PPFIBP2: variants seen among roughly 807,000 people sequenced by gnomAD.
PPFIBP2 encodes PPFIB scaffold protein 2, also known as liprin-beta-2.
PPFIBP2 carries 118 observed loss-of-function variants against 118.3 expected under a neutral mutation model. That is an observed-to-expected ratio of 1.00 (90% CI 0.86 to 1.16). The LOEUF (loss-of-function observed/expected upper bound fraction) is 1.16, where lower values mean the gene tolerates loss of function less well. Among genes scored for constraint, PPFIBP2 ranks in the 50% most tolerant of loss-of-function variants. The pLI is 0.00. For missense variants in PPFIBP2, 1,195 were observed against 1,073.1 expected, an observed-to-expected ratio of 1.11 and a Z score of -1.59; for synonymous variants, 414 against 397.4, an observed-to-expected ratio of 1.04 and a Z score of -0.50.
downstream of PPFIBP2, among the ~76,000 whole-genome samples, chr11:7,653,987 C>G (rs1292396248): frequency 6.6e-6 from 1 of 152,126 alleles, no homozygotes; most frequent in African/African-American, 2.4e-5. Flanking sequence ...CTCTGTGAAG[C>G]CGAGGGGGCT....
chr11:7,654,366 C>T (rs1854489445), downstream of PPFIBP2, among the ~76,000 whole-genome samples: 1 of 152,226 alleles, frequency 6.6e-6, no homozygotes, highest in African/African-American at 2.4e-5. Flanking sequence ...AGTTTGCCCC[C>T]AGGCAGTGCT....
rs774849190 is a variant in PPFIBP2 at position 7,653,333 on chromosome 11, G to A, written c.*115G>A. The A allele has an allele frequency of 4.0e-6, 6 of 1,512,120 alleles. No individual in the cohort carries two copies. The highest frequency in any genetic ancestry group is 5.3e-6 in the Non-Finnish European group (6 of 1,134,296). The allele number at this position is 1,512,120 out of a possible 1,614,324, so 93.7% of individuals were successfully genotyped here. Reference sequence around the variant, plus strand: ...TGCATGACTCGCAGAGAATATTCCAGCAATTGTGTACCCCTGGGCCAGTCT... The same window carrying A: ...TGCATGACTCGCAGAGAATATTCCAACAATTGTGTACCCCTGGGCCAGTCT... On this transcript the variant is annotated 3_prime_UTR_variant, in exon 24 of 24. Coordinates refer to ENST00000299492, the MANE Select transcript of PPFIBP2 (RefSeq NM_003621.5).
chr11:7,660,886 G>C (rs546451471), downstream of PPFIBP2, among the ~76,000 whole-genome samples: 2 of 151,984 alleles, frequency 1.3e-5, no homozygotes, highest in African/African-American at 4.8e-5. Context: ...GAGAGTGTAT[G>C]TGTCGAGGAA....
chr11:7,651,681 A>G lies in PPFIBP2; in HGVS notation c.2273A>G (p.Asp758Gly). 1 of 1,611,620 alleles carries G rather than the reference A, an allele frequency of 6.2e-7. No homozygotes were observed. Among genetic ancestry groups the G allele is most frequent in the Non-Finnish European group, 8.5e-7 (1 of 1,178,174 alleles). Residue 758 changes from aspartate (D) to glycine (G), a missense_variant, in exon 23 of 24, where the codon GAC becomes GGC. By Grantham distance (94) the Asp-to-Gly change is moderately conservative. Coordinates refer to ENST00000299492, the MANE Select transcript of PPFIBP2 (RefSeq NM_003621.5). Reference sequence around the variant, plus strand: ...ATCCTGGAGCCACGCTTCACTGGGGACACCCTGGCTATGCTTCTCAACATC... The same window carrying G: ...ATCCTGGAGCCACGCTTCACTGGGGGCACCCTGGCTATGCTTCTCAACATC... ...LIILEPRFTG[D>G]TLAMLLNIPP...
chr11:7,594,248 A>T (rs1452563251), intron 4 of PPFIBP2, among the ~76,000 whole-genome samples: 1 of 151,528 alleles, frequency 6.6e-6, no homozygotes, highest in Non-Finnish European at 1.5e-5. Flanking sequence ...AAGCAGGTTA[A>T]CACTTCGGCC....
intron 3 of PPFIBP2, chr11:7,577,340 T>TGC (rs879810120): frequency 0.12 from 39,535 of 333,640 alleles, 2,992 homozygotes; most frequent in Non-Finnish European, 0.14. Context: ...TGTGTGTGTG[T>TGC]GTGTGTGTGT....
chr11:7,571,434 GA>G (rs1171847723), intron 3 of PPFIBP2, among the ~76,000 whole-genome samples: 1 of 150,976 alleles, frequency 6.6e-6, no homozygotes, highest in East Asian at 1.9e-4. Context: ...AAAAAAAGTG[GA>G]GAGAAAAAGC....
chr11:7,589,470 GT>G (rs1198602147), intron 3 of PPFIBP2, among the ~76,000 whole-genome samples: 1 of 152,056 alleles, frequency 6.6e-6, no homozygotes, highest in African/African-American at 2.4e-5. Flanking sequence ...GTGCATGCCT[GT>G]AGACCCAGCT....
intron 2 of PPFIBP2, among the ~76,000 whole-genome samples, chr11:7,553,656 G>A (rs1047266038): frequency 6.6e-6 from 1 of 152,164 alleles, no homozygotes; most frequent in Non-Finnish European, 1.5e-5. Flanking sequence ...TAAAATAGCA[G>A]TAATAATAGT....
chr11:7,628,704 A>G (rs1461133547), intron 9 of PPFIBP2, among the ~76,000 whole-genome samples: 10 of 152,192 alleles, frequency 6.6e-5, no homozygotes, highest in Non-Finnish European at 2.9e-5. Context: ...TGACAATAGA[A>G]CCATCATAGA....
At chr11:7,546,464 T>C (rs1446861240) in intron 1 of PPFIBP2, among the ~76,000 whole-genome samples, 1 of 152,200 alleles carries the variant, frequency 6.6e-6, no homozygotes, top group Non-Finnish European at 1.5e-5. Context: ...CCATGGGTCT[T>C]GTTTTATGGC....
chr11:7,632,664 GC>G (rs1850923007), intron 11 of PPFIBP2: 1 of 507,636 alleles, frequency 2.0e-6, no homozygotes, highest in Non-Finnish European at 3.6e-6. Context: ...GGAAGGAGAG[GC>G]AAGCTGGCCC....
the PPFIBP2 span, chr11:7,665,752 G>T: frequency 1.5e-6 from 2 of 1,346,598 alleles, no homozygotes; most frequent in South Asian, 1.4e-5. Context: ...CAGGCTCACT[G>T]CAGGGACCCT....
intron 2 of PPFIBP2, among the ~76,000 whole-genome samples, chr11:7,563,664 A>C (rs976996170): frequency 5.3e-5 from 8 of 152,154 alleles, no homozygotes; most frequent in Admixed American, 3.3e-4. Context: ...CCTAATTTCA[A>C]ATCTTTCATC....
At position 7,648,391 on chromosome 11, in the gene PPFIBP2, G is replaced by A. The variant is rs754452576; in HGVS notation, c.1651G>A (p.Ala551Thr). ...TRDSKGQKSD[A>T]NAPFAQWSTE... Reference sequence around the variant, plus strand: ...TGCTGTTTTCCTGCTTCCCAGTGACGCCAATGCCCCCTTTGCCCAGTGGAG... The same window carrying A: ...TGCTGTTTTCCTGCTTCCCAGTGACACCAATGCCCCCTTTGCCCAGTGGAG... Residue 551 changes from alanine (A) to threonine (T), a missense_variant, in exon 18 of 24, where the codon GCC becomes ACC. Physicochemically the swap from Ala to Thr is moderately conservative, Grantham distance 58. Transcript: ENST00000299492. 1.9e-5 allele frequency: 30 copies of A among 1,609,130 alleles called. No individual in the cohort carries two copies. The highest frequency in any genetic ancestry group is 1.6e-4 in the Middle Eastern group (1 of 6,066).
chr11:7,548,916 G>A (rs1416013463), intron 1 of PPFIBP2, among the ~76,000 whole-genome samples: 1 of 152,134 alleles, frequency 6.6e-6, no homozygotes, highest in Admixed American at 6.5e-5. Context: ...AGTGGAAGTG[G>A]CATTTGAGCC....
chr11:7,573,817 C>G (rs1256729319), intron 3 of PPFIBP2: 1 of 152,214 alleles, frequency 6.6e-6, no homozygotes, highest in African/African-American at 2.4e-5. Flanking sequence ...ACCTATGGCC[C>G]AGAGGTGAAG....
chr11:7,649,308 T>C, intron 20 of PPFIBP2, 73 bp downstream of exon 20: 1 of 1,411,508 alleles, frequency 7.1e-7, no homozygotes, highest in Non-Finnish European at 9.9e-7. Flanking sequence ...TGGTGGTTAT[T>C]TTAAACTTGA....
chr11:7,627,575 G>A (rs1850193388), intron 8 of PPFIBP2, among the ~76,000 whole-genome samples: 1 of 151,894 alleles, frequency 6.6e-6, no homozygotes, highest in Non-Finnish European at 1.5e-5. Flanking sequence ...AGCTTCCTTA[G>A]GCTCTTCAAA....
Sources: allele counts gnomAD v4.1 joint callset (sites outside exome capture counted in the v4.1 genomes callset), GRCh38; gene constraint gnomAD v4.1.1; transcripts MANE v1.5; gene names NCBI Gene and HGNC (gene_info 2026-07-23, HGNC 2026-07-21).